Variants in GPR83 observed in about 807,000 individuals in gnomAD.
GPR83 encodes the protein G-protein coupled receptor 72.
A neutral mutation model predicts 28.0 loss-of-function variants in GPR83; 23 were observed. The ratio of observed to expected loss-of-function variants is 0.82; its 90% CI spans 0.59 to 1.16. The LOEUF (loss-of-function observed/expected upper bound fraction) is 1.16. Among genes scored for constraint, GPR83 ranks in the 50% most tolerant of loss-of-function variants. The pLI is 0.00. For missense variants in GPR83, 610 were observed against 536.6 expected (o/e 1.14, Z -1.35); for synonymous variants, 234 against 215.4 (o/e 1.09, Z -0.76).
At position 94,382,179 on chromosome 11, in the gene GPR83, C is replaced by T. The variant is rs569304970; in HGVS notation, c.648-1406G>A. On this transcript the variant is annotated intron_variant, in intron 3 of 3. Coordinates refer to ENST00000243673, the MANE Select transcript of GPR83 (RefSeq NM_016540.4). ...ACCAGCCTGACCAACATGGAGAAACCGTGTTTCTACTAAAAATACAAAATT... is the reference window on the plus strand; with the variant it reads ...ACCAGCCTGACCAACATGGAGAAACTGTGTTTCTACTAAAAATACAAAATT... Among the ~76,000 whole-genome samples the T allele has an allele frequency of 9.2e-5, 14 of 152,052 alleles. No individual in the cohort carries two copies. The South Asian group carries it at 2.7e-3, about 29-fold the overall frequency.
At position 94,378,461 on chromosome 11, in the gene GPR83, G is replaced by C. The variant is rs7933335; in HGVS notation, c.*1688C>G. 0.55 allele frequency: 82,840 copies of C among 151,952 alleles called. 23,062 individuals carry two copies. Among genetic ancestry groups the C allele is most frequent in the East Asian group, 0.65 (3,352 of 5,152 alleles). 9.4% of individuals were successfully genotyped at this position (151,952 alleles called of 1,614,324 possible). On this transcript the variant is annotated 3_prime_UTR_variant, in exon 4 of 4. Transcript: ENST00000243673. ...GAATTAAGCTCGATTCTGCCTGACA[G>C]GTCTCTTTTCTGGGTGACACAGTGA... is the stretch of plus-strand genomic sequence containing the variant.
chr11:94,390,186 G>T (rs546514762), intron 3 of GPR83, among the ~76,000 whole-genome samples: 38 of 152,088 alleles, frequency 2.5e-4, no homozygotes, highest in African/African-American at 8.9e-4. Context: ...GGGGGGAGGT[G>T]GGAGGAACAG....
chr11:94,392,151 G>A (rs1274388716), intron 3 of GPR83, among the ~76,000 whole-genome samples: 1 of 152,018 alleles, frequency 6.6e-6, no homozygotes, highest in Non-Finnish European at 1.5e-5. Context: ...CCGTAAAAAA[G>A]GATGAGTTCA....
intron 3 of GPR83, among the ~76,000 whole-genome samples, chr11:94,389,783 C>T (rs1196572706): frequency 6.6e-6 from 1 of 152,138 alleles, no homozygotes; most frequent in Non-Finnish European, 1.5e-5. Context: ...GGATCTAGAA[C>T]TAGAAATACC....
At chr11:94,399,982 C>T (rs965622198) in intron 1 of GPR83, among the ~76,000 whole-genome samples, 14 of 152,208 alleles carry the variant, frequency 9.2e-5, no homozygotes, top group African/African-American at 3.4e-4. Flanking sequence ...GGCCCAAGCC[C>T]ACCTCCCCTC....
intron 3 of GPR83, among the ~76,000 whole-genome samples, chr11:94,382,195 A>G (rs1212370639): frequency 1.3e-5 from 2 of 152,042 alleles, no homozygotes; most frequent in African/African-American, 4.8e-5. Flanking sequence ...TCTACTAAAA[A>G]TACAAAATTA....
chr11:94,392,486 A>T (rs1290107512), intron 3 of GPR83, among the ~76,000 whole-genome samples: 1 of 152,136 alleles, frequency 6.6e-6, no homozygotes, highest in East Asian at 1.9e-4. Flanking sequence ...TTTTTTAAAA[A>T]GACATACCAG....
At chr11:94,394,442 TC>T in intron 2 of GPR83, among the ~76,000 whole-genome samples, 1 of 152,174 alleles carries the variant, frequency 6.6e-6, no homozygotes, top group Non-Finnish European at 1.5e-5. Context: ...CAATCAATTA[TC>T]CTAAAAGGTT....
rs747279691 is a variant in GPR83 at position 94,401,280 on chromosome 11, C to T, written c.-33G>A. 3.9e-6 allele frequency: 6 copies of T among 1,543,190 alleles called. No homozygotes were observed. The highest frequency in any genetic ancestry group is 3.9e-5 in the Admixed American group (2 of 50,642). ...GAGCCACCCCTCCCCTGGGAGCCTG[C>T]GGGCCGGGCGTCCCCTCCCGCTGGG... On this transcript the variant is annotated 5_prime_UTR_variant, in exon 1 of 4. Transcript: ENST00000243673.
Position 94,390,323 on chromosome 11 carries a change from G to GA in GPR83, c.647+3161dup, listed in dbSNP as rs965379020. 3.3e-4 allele frequency among the ~76,000 whole-genome samples: 47 copies of GA among 143,666 alleles called. 1 individual carries two copies. Among genetic ancestry groups the GA allele is most frequent in the African/African-American group, 7.7e-4 (30 of 39,086 alleles). 94.3% of individuals were successfully genotyped at this position (143,666 alleles called of 152,430 possible). ...ACCCTAAAACTTAAAATATAAAAAA[G>GA]AAAAAAAAAAGAAAGATTTATGACA... is the stretch of plus-strand genomic sequence containing the variant. On this transcript the variant is annotated intron_variant, in intron 3 of 3. Coordinates refer to ENST00000243673, the MANE Select transcript of GPR83 (RefSeq NM_016540.4).
chr11:94,382,125 G>C (rs1325450359), intron 3 of GPR83, among the ~76,000 whole-genome samples: 2 of 152,126 alleles, frequency 1.3e-5, no homozygotes, highest in East Asian at 3.9e-4. Flanking sequence ...GGCCGAGATG[G>C]GCGGATCACC....
chr11:94,401,286 G>C lies in GPR83; in HGVS notation c.-39C>G, dbSNP rs1433711098. 7 of 1,539,668 alleles carry C rather than the reference G, an allele frequency of 4.5e-6. No homozygotes were observed. Among genetic ancestry groups the C allele is most frequent in the Non-Finnish European group, 6.1e-6 (7 of 1,149,972 alleles). On this transcript the variant is annotated 5_prime_UTR_variant, in exon 1 of 4. Coordinates refer to ENST00000243673, the MANE Select transcript of GPR83 (RefSeq NM_016540.4). The stretch of plus-strand genomic sequence containing the variant: ...CCCCTCCCCTGGGAGCCTGCGGGCC[G>C]GGCGTCCCCTCCCGCTGGGATCGGA...
Position 94,393,504 on chromosome 11 carries a change from A to T in GPR83, c.628T>A (p.Leu210Ile), listed in dbSNP as rs372209016. 1.2e-6 allele frequency: 2 copies of T among 1,614,110 alleles called. No individual in the cohort carries two copies. The highest frequency in any genetic ancestry group is 2.2e-5 in the South Asian group (2 of 91,064). ...TCTCACCTGTATTTGAAGGTAAATAATTTCTGGCAGATAGCATGTGGGAGT... is the reference window on the plus strand; with the variant it reads ...TCTCACCTGTATTTGAAGGTAAATATTTTCTGGCAGATAGCATGTGGGAGT... ...FSLPHAICQKLFTFKYSEDIV... is the reference protein window; with the variant it reads ...FSLPHAICQKIFTFKYSEDIV... The change falls in exon 3 of 4, where the codon TTA becomes ATA. Residue 210 changes from leucine to isoleucine, a missense_variant. Physicochemically the swap from Leu to Ile is conservative, Grantham distance 5. Coordinates refer to ENST00000243673, the MANE Select transcript of GPR83 (RefSeq NM_016540.4).
chr11:94,390,617 C>A (rs1357792193), intron 3 of GPR83, among the ~76,000 whole-genome samples: 6 of 152,166 alleles, frequency 3.9e-5, no homozygotes. Flanking sequence ...TAAGCAACTT[C>A]AGGAAAATCT....
chr11:94,392,152 G>A (rs1470185565), intron 3 of GPR83, among the ~76,000 whole-genome samples: 1 of 152,090 alleles, frequency 6.6e-6, no homozygotes, highest in East Asian at 1.9e-4. Context: ...CGTAAAAAAG[G>A]ATGAGTTCAT....
rs374347988 is a variant in GPR83 at position 94,393,075 on chromosome 11, G to T, written c.647+410C>A. 6.6e-5 allele frequency among the ~76,000 whole-genome samples: 10 copies of T among 152,180 alleles called. No individual in the cohort carries two copies. The East Asian group carries it at 1.7e-3, about 26-fold the overall frequency. ...ATGATAAACATACATGGTAGGTGGG[G>T]GAGGTAGAGAAGCCTGCCTCAGGCT... is the stretch of plus-strand genomic sequence containing the variant. On this transcript the variant is annotated intron_variant, in intron 3 of 3. Transcript: ENST00000243673.
rs751590202 is a variant in GPR83 at position 94,380,121 on chromosome 11, C to A, written c.*28G>T. 6 of 1,491,588 alleles carry A rather than the reference C, an allele frequency of 4.0e-6. No individual in the cohort carries two copies. The allele number at this position is 1,491,588 out of a possible 1,614,324, so 92.4% of individuals were successfully genotyped here. A position where few individuals can be genotyped will look rare whatever the true frequency, so the allele number is the denominator to read the frequency against. On this transcript the variant is annotated 3_prime_UTR_variant, in exon 4 of 4. Transcript: ENST00000243673. ...TTCCCTGCCTCAGGTGGAGACAGAC[C>A]CCTCCCACTCCCTCTTCCCAACCTC...
chr11:94,395,546 T>G (rs575772092), intron 2 of GPR83, among the ~76,000 whole-genome samples: 1 of 152,336 alleles, frequency 6.6e-6, no homozygotes, highest in Admixed American at 6.5e-5. Flanking sequence ...ATATGCACTT[T>G]CCTGAGCCTC....
Position 94,400,849 on chromosome 11 carries a change from C to A in GPR83, c.387+12G>T. The A allele has an allele frequency of 6.2e-7, 1 of 1,610,144 alleles. No individual in the cohort carries two copies. The highest frequency in any genetic ancestry group is 8.5e-7 in the Non-Finnish European group (1 of 1,177,292). ...AGACAGAAGGTGGGGCGGCAGGCAG[C>A]GGGCCCCTTACCAAAGTGAAGGGGG... On this transcript the variant is annotated intron_variant, in intron 1 of 3. Coordinates refer to ENST00000243673, the MANE Select transcript of GPR83 (RefSeq NM_016540.4).
Sources: gnomAD v4.1 joint callset for allele counts (sites outside exome capture counted in the v4.1 genomes callset) on GRCh38, gnomAD v4.1.1 for gene constraint, MANE v1.5 for transcripts, NCBI Gene and HGNC (gene_info 2026-07-23, HGNC 2026-07-21) for gene names.